ZNF469: variants seen among roughly 807,000 people sequenced by gnomAD.
The protein encoded by ZNF469 is zinc finger protein 469.
Under a neutral mutation model 1.0 loss-of-function variants are expected in ZNF469, and 1 was observed. That is an observed-to-expected ratio of 1.00 (90% CI 0.35 to 4.73). The LOEUF (loss-of-function observed/expected upper bound fraction) is 4.73, where lower values mean the gene tolerates loss of function less well. ZNF469 is among the 30% of genes most tolerant of loss of function. The pLI is 0.16. For synonymous variants in ZNF469, 2,703 were observed against 2,363.4 expected, an observed-to-expected ratio of 1.14 and a Z score of -4.17; for missense variants, 6,100 against 5,356.3, an observed-to-expected ratio of 1.14 and a Z score of -4.33.
chr16:88,241,256 G>C, the ZNF469 span, among the ~76,000 whole-genome samples: 2 of 151,990 alleles, frequency 1.3e-5, no homozygotes, highest in African/African-American at 4.8e-5. The surrounding 1 kb of genome is among the most constrained non-coding windows in gnomAD (Gnocchi z 4.8). Context: ...CTACTTAGGA[G>C]GTTGAGGCAG....
At chr16:88,354,005 C>T in the ZNF469 span, among the ~76,000 whole-genome samples, 35 of 152,322 alleles carry the variant, frequency 2.3e-4, no homozygotes, top group Middle Eastern at 3.4e-3. Flanking sequence ...TCTACCTGCT[C>T]GTGGCTGCCC....
At chr16:88,328,550 G>A in the ZNF469 span, among the ~76,000 whole-genome samples, 3 of 152,226 alleles carry the variant, frequency 2.0e-5, no homozygotes, top group Non-Finnish European at 2.9e-5. Context: ...AAGCTGATCC[G>A]ATGCACCTGG....
At chr16:88,156,151 C>T in the ZNF469 span, among the ~76,000 whole-genome samples, 1 of 152,166 alleles carries the variant, frequency 6.6e-6, no homozygotes, top group Admixed American at 6.5e-5. Flanking sequence ...GATACATGTT[C>T]CTTATCAGAT....
At chr16:88,363,802 G>T in the ZNF469 span, among the ~76,000 whole-genome samples, 1 of 152,168 alleles carries the variant, frequency 6.6e-6, no homozygotes, top group Non-Finnish European at 1.5e-5. Flanking sequence ...ACATCAGCCT[G>T]CCTTTATTCC....
chr16:88,199,206 C>T, the ZNF469 span, among the ~76,000 whole-genome samples: 3 of 152,232 alleles, frequency 2.0e-5, no homozygotes. Flanking sequence ...CACCGCCCAC[C>T]TGGCAGATGA....
At chr16:88,278,658 A>G in the ZNF469 span, among the ~76,000 whole-genome samples, 47 of 135,344 alleles carry the variant, frequency 3.5e-4, 9 homozygotes, top group South Asian at 1.5e-3. Flanking sequence ...CCTCACGCCG[A>G]TGCTCGGTCA....
the ZNF469 span, among the ~76,000 whole-genome samples, chr16:88,147,740 T>G: frequency 6.6e-6 from 1 of 152,130 alleles, no homozygotes; most frequent in Admixed American, 6.5e-5. Flanking sequence ...GTGAGCATGT[T>G]GGATGCAAAC....
the ZNF469 span, among the ~76,000 whole-genome samples, chr16:88,301,521 G>T: frequency 1.3e-5 from 2 of 152,234 alleles, no homozygotes; most frequent in African/African-American, 4.8e-5. Flanking sequence ...ACAGTGGGAT[G>T]CAGAGGCAGA....
At chr16:88,150,136 C>T in the ZNF469 span, among the ~76,000 whole-genome samples, 160 of 152,202 alleles carry the variant, frequency 1.1e-3, no homozygotes, top group African/African-American at 3.5e-3. Flanking sequence ...GGTGAAACCC[C>T]GTCTCTACTT....
chr16:88,247,989 G>A, the ZNF469 span, among the ~76,000 whole-genome samples: 1 of 152,164 alleles, frequency 6.6e-6, no homozygotes, highest in Admixed American at 6.5e-5. Context: ...GACGCGGCTG[G>A]ACGGAAGGCT....
At chr16:88,389,582 T>A (rs983595043) in intron 1 of ZNF469, among the ~76,000 whole-genome samples, 1 of 152,144 alleles carries the variant, frequency 6.6e-6, no homozygotes, top group African/African-American at 2.4e-5. Flanking sequence ...CCCCACTCTT[T>A]CCCACCGTTC....
rs367717750 is a variant in ZNF469 at position 88,422,089 on chromosome 16, GTGGA to G, written c.-191-2699_-191-2696del. ...GAAGGGTGGACGGGTGGCTGACTGGGTGGATGGATGGATGGATGGATGAGTGGGT... is the reference window on the plus strand; with the variant it reads ...GAAGGGTGGACGGGTGGCTGACTGGGTGGATGGATGGATGGATGAGTGGGT... On this transcript the variant is annotated intron_variant, in intron 1 of 2. Transcript: ENST00000565624. Among the ~76,000 whole-genome samples the G allele has an allele frequency of 2.7e-3, 410 of 149,136 alleles. 2 individuals carry two copies. The highest frequency in any genetic ancestry group is 9.5e-3 in the African/African-American group (384 of 40,550).
At chr16:88,308,632 T>G in the ZNF469 span, among the ~76,000 whole-genome samples, 1 of 152,040 alleles carries the variant, frequency 6.6e-6, no homozygotes, top group Non-Finnish European at 1.5e-5. Context: ...GCATTCCTGG[T>G]GCCTGGAGCA....
the ZNF469 span, among the ~76,000 whole-genome samples, chr16:88,312,556 A>C: frequency 6.6e-6 from 1 of 151,820 alleles, no homozygotes. Flanking sequence ...ACATATACCC[A>C]CCTCCTTTTA....
At chr16:88,377,743 G>A in the ZNF469 span, among the ~76,000 whole-genome samples, 2 of 151,990 alleles carry the variant, frequency 1.3e-5, no homozygotes, top group African/African-American at 4.8e-5. Context: ...TGTCCCAGCT[G>A]GCATCCTGTA....
the ZNF469 span, among the ~76,000 whole-genome samples, chr16:88,272,695 C>T: frequency 4.9e-5 from 7 of 143,390 alleles, no homozygotes; most frequent in Admixed American, 1.4e-4. Flanking sequence ...GACGAGTGGA[C>T]GGATGGATGA....
At chr16:88,305,418 A>G in the ZNF469 span, among the ~76,000 whole-genome samples, 2 of 148,002 alleles carry the variant, frequency 1.4e-5, no homozygotes, top group Admixed American at 6.7e-5. Context: ...ACAGGCACAC[A>G]TGCACGCCCT....
the ZNF469 span, among the ~76,000 whole-genome samples, chr16:88,239,006 C>G: frequency 1.3e-5 from 2 of 152,172 alleles, no homozygotes; most frequent in Non-Finnish European, 1.5e-5. Context: ...GTCACTGCCC[C>G]CTTTCTGACC....
At chr16:88,236,045 T>C in the ZNF469 span, among the ~76,000 whole-genome samples, 1 of 151,982 alleles carries the variant, frequency 6.6e-6, no homozygotes, top group Non-Finnish European at 1.5e-5. Flanking sequence ...CAGAAAGGAG[T>C]GTCTGGATTA....
Sources: allele counts gnomAD v4.1 joint callset (sites outside exome capture counted in the v4.1 genomes callset), GRCh38; gene constraint gnomAD v4.1.1; non-coding constraint Gnocchi (gnomAD v3.1); transcripts MANE v1.5; gene names NCBI Gene and HGNC (gene_info 2026-07-23, HGNC 2026-07-21).